USP28: variants seen among roughly 807,000 people sequenced by gnomAD.
The protein encoded by USP28 is ubiquitin specific peptidase 28.
USP28 carries 113 observed loss-of-function variants against 145.0 expected under a neutral mutation model. That is an observed-to-expected ratio of 0.78 (90% confidence interval 0.67 to 0.91). The LOEUF is 0.91. Among genes scored for constraint, USP28 ranks in the 40% least tolerant of loss-of-function variants. The probability of loss-of-function intolerance (pLI) is 0.00; values close to 1 mark genes in which losing one functional copy is unlikely to be tolerated. For synonymous variants in USP28, 447 were observed against 450.9 expected (o/e 0.99, Z 0.11); for missense variants, 1,201 against 1,289.6 (o/e 0.93, Z 1.05).
intron 5 of USP28, among the ~76,000 whole-genome samples, chr11:113,835,499 G>A (rs1335962663): frequency 3.3e-5 from 5 of 152,268 alleles, no homozygotes; most frequent in Admixed American, 1.3e-4. Context: ...AAGCCCTGGC[G>A]GGATTCAGCC....
At chr11:113,819,998 T>G (rs1942364960) in intron 12 of USP28, among the ~76,000 whole-genome samples, 1 of 152,234 alleles carries the variant, frequency 6.6e-6, no homozygotes, top group Non-Finnish European at 1.5e-5. Flanking sequence ...TTAACCCATT[T>G]ATGCGTAGTG....
chr11:113,799,233 T>G (rs1938476386), exon 25 of USP28: 1 of 1,611,350 alleles, frequency 6.2e-7, no homozygotes, highest in African/African-American at 1.3e-5. Context: ...CTTGAACATG[T>G]GGGAGCTTAT....
chr11:113,841,716 A>G, exon 4 of USP28: 1 of 1,613,750 alleles, frequency 6.2e-7, no homozygotes, highest in Non-Finnish European at 8.5e-7. Flanking sequence ...GTAGACTCAA[A>G]GCAATGGCAG....
Position 113,800,858 on chromosome 11 carries a change from T to A in USP28, c.3058+625A>T, listed in dbSNP as rs911571966. On this transcript the variant is annotated intron_variant, in intron 24 of 24. Coordinates refer to ENST00000003302, the Ensembl canonical transcript of USP28. The stretch of plus-strand genomic sequence containing the variant: ...TCTGCATGATTTTTTTTTTTTTTTT[T>A]TGGATATGGAGTCTCATTCCGTGGC... Among the ~76,000 whole-genome samples, 51 of 151,560 alleles carry A rather than the reference T, an allele frequency of 3.4e-4. No individual in the cohort carries two copies. The East Asian group carries it at 9.9e-3, about 29-fold the overall frequency.
At chr11:113,841,502 A>G (rs1945188821) in intron 4 of USP28, among the ~76,000 whole-genome samples, 161 bp downstream of exon 4, 1 of 152,248 alleles carries the variant, frequency 6.6e-6, no homozygotes, top group African/African-American at 2.4e-5. Flanking sequence ...CGCTTTTTCA[A>G]AAGTGAACCA....
intron 5 of USP28, 151 bp downstream of exon 5, chr11:113,840,447 A>G (rs1945072059): frequency 2.0e-6 from 2 of 981,690 alleles, no homozygotes; most frequent in Middle Eastern, 3.3e-4. Context: ...TAGACATCAA[A>G]GCATCTAAAT....
exon 20 of USP28, chr11:113,804,993 G>C: frequency 6.2e-7 from 1 of 1,614,164 alleles, no homozygotes; most frequent in Middle Eastern, 1.6e-4. Context: ...CACTGTGAGA[G>C]GTGGGGGTCT....
At chr11:113,841,603 C>T in intron 4 of USP28, 60 bp downstream of exon 4, 1 of 1,048,704 alleles carries the variant, frequency 9.5e-7, no homozygotes, top group Non-Finnish European at 1.4e-6. Flanking sequence ...ATTCACAGAG[C>T]TGTTGCCTTT....
At chr11:113,867,746 A>C (rs1948423236) in intron 1 of USP28, among the ~76,000 whole-genome samples, 2 of 150,656 alleles carry the variant, frequency 1.3e-5, no homozygotes, top group South Asian at 4.2e-4. Flanking sequence ...CTCTATGAAA[A>C]AACAAATGAA....
chr11:113,812,625 T>C (rs1034311288), intron 15 of USP28, 121 bp from the exon 16 acceptor site: 4 of 870,406 alleles, frequency 4.6e-6, no homozygotes, highest in East Asian at 5.1e-5. Flanking sequence ...AAACATCTTG[T>C]TGATTCAAGA....
chr11:113,818,438 C>T (rs1054199028), intron 12 of USP28, among the ~76,000 whole-genome samples: 1 of 152,154 alleles, frequency 6.6e-6, no homozygotes, highest in African/African-American at 2.4e-5. Context: ...GGCCACCGCG[C>T]CTGGCAATTT....
At chr11:113,808,076 C>A in intron 18 of USP28, 1 of 1,409,580 alleles carries the variant, frequency 7.1e-7, no homozygotes. Flanking sequence ...GGGGGCTGTT[C>A]TGACTGCTCT....
chr11:113,852,991 G>A (rs1307188308), intron 2 of USP28, among the ~76,000 whole-genome samples: 1 of 152,048 alleles, frequency 6.6e-6, no homozygotes, highest in Non-Finnish European at 1.5e-5. Flanking sequence ...TCTAAATGAA[G>A]TCAGCCCTAC....
In USP28 at chr11:113,840,668, C is replaced by T. The variant is rs1047923329; in HGVS notation, c.464G>A (p.Arg155Lys). Reference sequence around the variant, plus strand: ...CCCAACTGGCCAACCATCAACTCTCCTCCAGTCATTGGGATTGGGGTTTTC... The same window carrying T: ...CCCAACTGGCCAACCATCAACTCTCTTCCAGTCATTGGGATTGGGGTTTTC... Residue 155 changes from arginine to lysine, a missense_variant, in exon 5 of 25, where the codon AGG (arginine) becomes AAG (lysine). By Grantham distance (26) the Arg-to-Lys change is conservative. Coordinates refer to ENST00000003302, the Ensembl canonical transcript of USP28. 4.3e-6 allele frequency: 7 copies of T among 1,614,112 alleles called. No homozygotes were observed. In the African/African-American group the frequency reaches 5.3e-5, roughly 12 times the overall value.
intron 1 of USP28, among the ~76,000 whole-genome samples, chr11:113,869,492 A>G (rs1405784838): frequency 2.0e-5 from 3 of 151,860 alleles, no homozygotes; most frequent in Non-Finnish European, 4.4e-5. Flanking sequence ...CAGCTACTCA[A>G]GTGTCTGAGG....
At chr11:113,812,674 A>C (rs962168173) in intron 15 of USP28, among the ~76,000 whole-genome samples, 170 bp from the exon 16 acceptor site, 1 of 152,232 alleles carries the variant, frequency 6.6e-6, no homozygotes, top group Non-Finnish European at 1.5e-5. Flanking sequence ...TTGATCAATT[A>C]TGTCTCAGTT....
Position 113,809,329 on chromosome 11 carries a change from G to A in USP28, c.1973-75C>T, listed in dbSNP as rs570085085. ...CCTTTTTAGAAAAGAAGAAAGCAGG[G>A]TATTTCATCTTTATCTTACTCCTAA... On this transcript the variant is annotated intron_variant, in intron 16 of 24. Transcript: ENST00000003302. 12 of 1,426,630 alleles carry A rather than the reference G, an allele frequency of 8.4e-6. No homozygotes were observed. In the East Asian group the frequency reaches 1.8e-4, roughly 22 times the overall value. 88.4% of individuals were successfully genotyped at this position (1,426,630 alleles called of 1,614,324 possible).
chr11:113,799,553 C>T (rs1050361455), intron 24 of USP28, 138 bp from the exon 26 acceptor site: 25 of 1,022,690 alleles, frequency 2.4e-5, no homozygotes, highest in Non-Finnish European at 3.4e-5. Context: ...ATGATTATTC[C>T]TTCAGGCCAA....
intron 16 of USP28, among the ~76,000 whole-genome samples, chr11:113,810,885 G>C (rs1300069428): frequency 6.6e-6 from 1 of 152,210 alleles, no homozygotes; most frequent in South Asian, 2.1e-4. Context: ...ATGTTGGCCA[G>C]GTTGGTCTTC....
Sources: allele counts gnomAD v4.1 joint callset (sites outside exome capture counted in the v4.1 genomes callset), GRCh38; gene constraint gnomAD v4.1.1; transcripts MANE v1.5; gene names NCBI Gene and HGNC (gene_info 2026-07-23, HGNC 2026-07-21).